The following ABHD12 variants were observed in gnomAD, a reference collection of about 807,000 sequenced individuals.
ABHD12 encodes lysophosphatidylserine lipase ABHD12.
ABHD12 carries 43 observed loss-of-function variants against 58.3 expected under a neutral mutation model. The observed-to-expected ratio is 0.74, with a 90% CI of 0.58 to 0.95. The LOEUF (loss-of-function observed/expected upper bound fraction) is 0.95. Among genes scored for constraint, ABHD12 ranks in the 40% least tolerant of loss-of-function variants. The probability of loss-of-function intolerance (pLI) is 0.00; values close to 1 mark genes in which losing one functional copy is unlikely to be tolerated. For missense variants in ABHD12, 539 were observed against 537.2 expected (o/e 1.00, Z -0.03); for synonymous variants, 219 against 211.2 (o/e 1.04, Z -0.32).
chr20:25,335,952 TATAATA>T (rs748612497), intron 2 of ABHD12, among the ~76,000 whole-genome samples: 8 of 150,680 alleles, frequency 5.3e-5, no homozygotes, highest in Admixed American at 4.6e-4. Flanking sequence ...GAATTTAAAG[TATAATA>T]ATAATAAATA....
At chr20:25,325,785 A>G (rs532372625) in intron 2 of ABHD12, among the ~76,000 whole-genome samples, 1 of 152,258 alleles carries the variant, frequency 6.6e-6, no homozygotes, top group African/African-American at 2.4e-5. Flanking sequence ...AAATAAATGC[A>G]GCCAGCCAGG....
rs767715448 is a variant in ABHD12 at position 25,317,069 on chromosome 20, G to A, written c.552C>T (p.Asp184=). 9.3e-6 allele frequency: 15 copies of A among 1,612,422 alleles called. No individual in the cohort carries two copies. The highest frequency in any genetic ancestry group is 1.3e-5 in the African/African-American group (1 of 74,858). Residue 184 remains aspartate (D), a synonymous_variant, in exon 5 of 13, where the codon GAC becomes GAT. Coordinates refer to ENST00000339157, the MANE Select transcript of ABHD12 (RefSeq NM_001042472.3). The stretch of plus-strand genomic sequence containing the variant: ...TCACCTTGTAAAGCTCCACGCGGTG[G>A]TCGCCTCCTCTGGAGAAGAAAACAG... ...LHGNAGTRGG[D]HRVELYKVLS...
chr20:25,327,890 T>C (rs1427498111), intron 2 of ABHD12, among the ~76,000 whole-genome samples: 2 of 152,142 alleles, frequency 1.3e-5, no homozygotes, highest in African/African-American at 4.8e-5. Flanking sequence ...ACCATCCAGA[T>C]TGATAAACTA....
At chr20:25,319,759 C>T (rs1003575147) in intron 4 of ABHD12, among the ~76,000 whole-genome samples, 5 of 152,218 alleles carry the variant, frequency 3.3e-5, no homozygotes, top group African/African-American at 1.2e-4. Flanking sequence ...AACCCTGCTC[C>T]CCAAATCACA....
At chr20:25,326,397 T>C (rs1400818853) in intron 2 of ABHD12, among the ~76,000 whole-genome samples, 3 of 152,210 alleles carry the variant, frequency 2.0e-5, no homozygotes, top group Non-Finnish European at 4.4e-5. Context: ...ACAGGGCTCC[T>C]GACCTGTGGT....
At chr20:25,375,729 C>T (rs141745068) in intron 1 of ABHD12, among the ~76,000 whole-genome samples, 5 of 151,138 alleles carry the variant, frequency 3.3e-5, no homozygotes, top group African/African-American at 1.2e-4. Context: ...AAAATTGTTT[C>T]GTGTATGTTG....
intron 1 of ABHD12, among the ~76,000 whole-genome samples, chr20:25,365,977 C>G (rs1471241402): frequency 6.6e-6 from 1 of 152,168 alleles, no homozygotes; most frequent in Non-Finnish European, 1.5e-5. Flanking sequence ...GAGGTCAAGG[C>G]TGTAGTGAGC....
chr20:25,354,487 C>T (rs771803705), intron 1 of ABHD12, among the ~76,000 whole-genome samples: 4 of 152,230 alleles, frequency 2.6e-5, no homozygotes, highest in Non-Finnish European at 4.4e-5. Flanking sequence ...CCACTGTTTG[C>T]TATTCATGCC....
rs200446581 is a variant in ABHD12 at position 25,295,066 on chromosome 20, C to T, written c.1158-36G>A. The stretch of plus-strand genomic sequence containing the variant: ...GGAAGTGCTTTTAAAATTGTGAACT[C>T]TGCATTTCGTGAAGTGTGCTTCTGA... On this transcript the variant is annotated intron_variant, in intron 12 of 12. Transcript: ENST00000376542. The T allele has an allele frequency of 9.4e-5, 150 of 1,603,916 alleles. No individual in the cohort carries two copies. The Middle Eastern group carries it at 2.8e-3, about 30-fold the overall frequency.
chr20:25,320,454 CA>C (rs2089045758), intron 3 of ABHD12, 136 bp from the exon 4 acceptor site: 1 of 1,163,100 alleles, frequency 8.6e-7, no homozygotes, highest in African/African-American at 1.5e-5. Context: ...TACAGGGGAA[CA>C]GATGGGGGTG....
At chr20:25,321,175 C>G (rs931479816) in intron 3 of ABHD12, among the ~76,000 whole-genome samples, 1 of 152,254 alleles carries the variant, frequency 6.6e-6, no homozygotes, top group Non-Finnish European at 1.5e-5. Context: ...ATGATCATCA[C>G]TCCCATACAG....
intron 1 of ABHD12, among the ~76,000 whole-genome samples, chr20:25,367,969 A>G (rs2146101207): frequency 6.6e-6 from 1 of 152,376 alleles, no homozygotes; most frequent in South Asian, 2.1e-4. Flanking sequence ...TTAAAGAGAC[A>G]GCCATATTGT....
At chr20:25,383,862 G>A (rs1285997487) in intron 1 of ABHD12, among the ~76,000 whole-genome samples, 1 of 150,696 alleles carries the variant, frequency 6.6e-6, no homozygotes, top group African/African-American at 2.4e-5. Context: ...GGTTGAGGCG[G>A]GAGAATCACT....
chr20:25,366,498 TCA>T (rs1243985370), intron 1 of ABHD12, among the ~76,000 whole-genome samples: 3 of 152,160 alleles, frequency 2.0e-5, no homozygotes, highest in African/African-American at 7.2e-5. Context: ...ACTCCCGACC[TCA>T]GTTGATCCGC....
chr20:25,388,791 T>C (rs73614595), intron 1 of ABHD12, among the ~76,000 whole-genome samples: 9 of 119,964 alleles, frequency 7.5e-5, no homozygotes, highest in African/African-American at 3.8e-4. Context: ...TTTTTTCTTT[T>C]TTTTTTTTTT....
intron 1 of ABHD12, 135 bp from the exon 2 acceptor site, chr20:25,339,486 AAGT>A: frequency 6.9e-7 from 1 of 1,441,614 alleles, no homozygotes; most frequent in Non-Finnish European, 9.6e-7. Flanking sequence ...CCAATAATAA[AAGT>A]AGCCTCCCAC....
At chr20:25,377,342 G>C (rs1335755597) in intron 1 of ABHD12, among the ~76,000 whole-genome samples, 1 of 152,184 alleles carries the variant, frequency 6.6e-6, no homozygotes, top group Non-Finnish European at 1.5e-5. Context: ...AAGAGGCTAA[G>C]AGACCTATTC....
intron 6 of ABHD12, among the ~76,000 whole-genome samples, chr20:25,314,572 G>A (rs529419442): frequency 1.4e-4 from 22 of 151,842 alleles, no homozygotes; most frequent in African/African-American, 4.6e-4. Context: ...ACAGCTACTC[G>A]AGAGCCTAAG....
chr20:25,309,411 C>G (rs755308494), intron 7 of ABHD12, 35 bp downstream of exon 7: 3 of 1,613,588 alleles, frequency 1.9e-6, no homozygotes, highest in South Asian at 2.2e-5. Flanking sequence ...AATACTGACT[C>G]CCACTAAAGG....
Sources: allele counts gnomAD v4.1 joint callset (sites outside exome capture counted in the v4.1 genomes callset), GRCh38; gene constraint gnomAD v4.1.1; transcripts MANE v1.5; gene names NCBI Gene and HGNC (gene_info 2026-07-23, HGNC 2026-07-21).